Variants in HEBP1 observed in about 807,000 individuals in gnomAD.
HEBP1 encodes the protein heme-binding protein 1.
HEBP1 carries 13 observed loss-of-function variants against 20.4 expected under a neutral mutation model. The ratio of observed to expected loss-of-function variants is 0.64; its 90% CI spans 0.42 to 1.01. The LOEUF (loss-of-function observed/expected upper bound fraction) is 1.01. Ranked by LOEUF, HEBP1 falls within the 50% of genes least tolerant of loss-of-function variation. The pLI is 0.00. For missense variants in HEBP1, 241 were observed against 247.3 expected (o/e 0.97, Z 0.17); for synonymous variants, 92 against 90.7 (o/e 1.01, Z -0.08).
chr12:12,975,057 G>T lies in HEBP1; in HGVS notation c.*251C>A, dbSNP rs906873830. On this transcript the variant is annotated 3_prime_UTR_variant, in exon 4 of 4. Transcript: ENST00000014930. ...GGAGAAAAGCTGCCAGGATTTTTCT[G>T]GTCTATCGCAGAATTTTCTACATCA... 1.5e-5 allele frequency: 5 copies of T among 334,868 alleles called. No homozygotes were observed. Among genetic ancestry groups the T allele is most frequent in the Non-Finnish European group, 2.2e-5 (4 of 184,510 alleles). 20.7% of individuals were successfully genotyped at this position (334,868 alleles called of 1,614,324 possible). A position where few individuals can be genotyped will look rare whatever the true frequency, so the allele number is the denominator to read the frequency against.
intron 1 of HEBP1, among the ~76,000 whole-genome samples, chr12:12,993,524 A>G: frequency 7.4e-6 from 1 of 134,722 alleles, no homozygotes; most frequent in Admixed American, 8.1e-5. Flanking sequence ...TCTCTTTCAG[A>G]TGGGGTCTTG....
rs766660715 is a variant in HEBP1, at chr12:13,000,044, C to G, written c.71G>C (p.Gly24Ala). Residue 24 changes from glycine to alanine, a missense_variant, in exon 1 of 4, where the codon GGG becomes GCG. Physicochemically the swap from Gly to Ala is moderately conservative, Grantham distance 60 (BLOSUM62 0). Coordinates refer to ENST00000014930, the MANE Select transcript of HEBP1 (RefSeq NM_015987.5). Reference sequence around the variant, plus strand: ...GCAGCCCTGCGGGCCTACCTTGTCCCCTTTGCTTAGGACCTGCCAAGGCCA... The same window carrying G: ...GCAGCCCTGCGGGCCTACCTTGTCCGCTTTGCTTAGGACCTGCCAAGGCCA... The part of the protein sequence containing the change: ...ETWPWQVLSK[G>A]DKEEVAYEER... 8.7e-6 allele frequency: 14 copies of G among 1,610,582 alleles called. No individual in the cohort carries two copies. In the African/African-American group the frequency reaches 1.3e-4, roughly 15 times the overall value.
chr12:12,998,267 T>C lies in HEBP1; in HGVS notation c.78+1770A>G, dbSNP rs1291491421. Among the ~76,000 whole-genome samples, 1 of 152,136 alleles carries C rather than the reference T, an allele frequency of 6.6e-6. No homozygotes were observed. The highest frequency in any genetic ancestry group is 1.5e-5 in the Non-Finnish European group (1 of 68,020). The stretch of plus-strand genomic sequence containing the variant: ...TTGCTGGTTTTAATCTTTTATCCCA[T>C]TGCCTAGAAGAGTGCCTGGCACATA... On this transcript the variant is annotated intron_variant, in intron 1 of 3. Coordinates refer to ENST00000014930, the MANE Select transcript of HEBP1 (RefSeq NM_015987.5). This position sits in a 1 kb window ranked among gnomAD's most constrained non-coding sequence, Gnocchi z 4.2.
chr12:12,988,923 A>G (rs1054267228), intron 2 of HEBP1, among the ~76,000 whole-genome samples: 1 of 152,162 alleles, frequency 6.6e-6, no homozygotes, highest in South Asian at 2.1e-4. Context: ...GTTGTGCTGT[A>G]GCTCAGCTTA....
chr12:12,975,371 C>T lies in HEBP1; in HGVS notation c.507G>A (p.Thr169=), dbSNP rs888878698. ...ATYRGDIYFC[T]GYDPPMKPYG... is the part of the protein sequence containing the mutation. ...AGGGCTTCATGGGAGGGTCATAACC[C>T]GTGCAGAAGTAGATGTCCCCCCGGT... The change falls in exon 4 of 4, where the codon ACG becomes ACA. Residue 169 remains threonine, a synonymous_variant. Coordinates refer to ENST00000014930, the MANE Select transcript of HEBP1 (RefSeq NM_015987.5). 10 of 1,613,918 alleles carry T rather than the reference C, an allele frequency of 6.2e-6. No homozygotes were observed. The highest frequency in any genetic ancestry group is 3.3e-4 in the Middle Eastern group (2 of 6,082).
At chr12:12,984,239 C>T (rs1414105993) in intron 3 of HEBP1, 1 of 154,546 alleles carries the variant, frequency 6.5e-6, no homozygotes, top group Non-Finnish European at 1.4e-5. Flanking sequence ...TTTCTCTTTA[C>T]TGAAATATTG....
In HEBP1 at chr12:12,987,322, C is replaced by T; in HGVS notation, c.228G>A (p.Met76Ile). 6 of 1,612,724 alleles carry T rather than the reference C, an allele frequency of 3.7e-6. No homozygotes were observed. The highest frequency in any genetic ancestry group is 5.1e-6 in the Non-Finnish European group (6 of 1,179,128). Residue 76 changes from methionine to isoleucine, a missense_variant, in exon 3 of 4, where the codon ATG (methionine) becomes ATA (isoleucine). Met to Ile is a conservative substitution (Grantham distance 10). Transcript: ENST00000014930. ...AGGTNDKGIGMGMTVPISFAV... is the reference protein window; with the variant it reads ...AGGTNDKGIGIGMTVPISFAV... ...CAAAGGAAATAGGGACTGTCATCCC[C>T]ATCCCAATTCCTGAAAACACAAAAG... is the stretch of plus-strand genomic sequence containing the variant.
In HEBP1 at chr12:12,989,434, C is replaced by T. The variant is rs922715378; in HGVS notation, c.79-19G>A. On this transcript the variant is annotated intron_variant, in intron 1 of 3. Coordinates refer to ENST00000014930, the MANE Select transcript of HEBP1 (RefSeq NM_015987.5). ...CTTCTTCCTAGAGAGAGAGAAGGTA[C>T]AGTGTTTAAGAGGTACAAAGTAGCA... is the stretch of plus-strand genomic sequence containing the variant. 6.2e-7 allele frequency: 1 copy of T among 1,613,692 alleles called. No homozygotes were observed. Among genetic ancestry groups the T allele is most frequent in the African/African-American group, 1.3e-5 (1 of 75,020 alleles).
intron 2 of HEBP1, among the ~76,000 whole-genome samples, chr12:12,987,668 GC>G (rs755438438): frequency 7.3e-6 from 1 of 137,512 alleles, no homozygotes; most frequent in African/African-American, 2.7e-5. Context: ...TTGCTCTGTT[GC>G]CCAGGCTGGA....
intron 1 of HEBP1, among the ~76,000 whole-genome samples, chr12:12,992,816 C>T (rs968810164): frequency 2.8e-4 from 42 of 152,278 alleles, no homozygotes; most frequent in African/African-American, 8.7e-4. Context: ...GTTTTAAATT[C>T]CAGAAACACT....
At chr12:12,993,068 C>T (rs1455386617) in intron 1 of HEBP1, among the ~76,000 whole-genome samples, 2 of 152,058 alleles carry the variant, frequency 1.3e-5, no homozygotes, top group African/African-American at 4.8e-5. Flanking sequence ...ACCTCTGTTT[C>T]TTTTCTTTAT....
chr12:12,981,337 G>A (rs977924871), intron 3 of HEBP1, among the ~76,000 whole-genome samples: 6 of 152,276 alleles, frequency 3.9e-5, no homozygotes, highest in African/African-American at 1.4e-4. Flanking sequence ...GAAATATAAG[G>A]CTGGTGCTTA....
chr12:12,990,919 G>A (rs948207204), intron 1 of HEBP1, among the ~76,000 whole-genome samples: 5 of 152,078 alleles, frequency 3.3e-5, no homozygotes, highest in Non-Finnish European at 7.4e-5. Flanking sequence ...CCATTGCACC[G>A]AGGAACAGAA....
intron 3 of HEBP1, 121 bp downstream of exon 3, chr12:12,987,031 T>A: frequency 1.3e-6 from 1 of 764,754 alleles, no homozygotes; most frequent in South Asian, 1.8e-5. Context: ...GATTCAGCAT[T>A]TCCTACTTAA....
intron 2 of HEBP1, among the ~76,000 whole-genome samples, chr12:12,987,616 C>A (rs868294276): frequency 6.7e-6 from 1 of 148,616 alleles, no homozygotes; most frequent in Non-Finnish European, 1.5e-5. Context: ...CTCTCTTTCT[C>A]TCTCTCTCTC....
At position 12,986,868 on chromosome 12, in the gene HEBP1, A is replaced by G. The variant is rs1461714808; in HGVS notation, c.398+284T>C. ...TTAAGATATTTGCTGAGTCTCCTAGAACCCTGCTATGGCTAATGTAGACAT... is the reference window on the plus strand; with the variant it reads ...TTAAGATATTTGCTGAGTCTCCTAGGACCCTGCTATGGCTAATGTAGACAT... On this transcript the variant is annotated intron_variant, in intron 3 of 3. Coordinates refer to ENST00000014930, the MANE Select transcript of HEBP1 (RefSeq NM_015987.5). This position sits in a 1 kb window ranked among gnomAD's most constrained non-coding sequence, Gnocchi z 4.3. 3.1e-6 allele frequency: 1 copy of G among 321,290 alleles called. No individual in the cohort carries two copies. Among genetic ancestry groups the G allele is most frequent in the Non-Finnish European group, 5.7e-6 (1 of 174,442 alleles). 19.9% of individuals were successfully genotyped at this position (321,290 alleles called of 1,614,324 possible).
At chr12:12,994,768 G>T (rs985103188) in intron 1 of HEBP1, among the ~76,000 whole-genome samples, 2 of 152,110 alleles carry the variant, frequency 1.3e-5, no homozygotes, top group Non-Finnish European at 2.9e-5. Context: ...ACTGTCCATT[G>T]GGTAGTTGGG....
intron 1 of HEBP1, 43 bp downstream of exon 1, chr12:12,999,994 G>T: frequency 1.4e-6 from 2 of 1,402,062 alleles, no homozygotes; most frequent in Admixed American, 1.8e-5. Context: ...GTGGGGGTGG[G>T]AGGCAGCAAT....
intron 3 of HEBP1, among the ~76,000 whole-genome samples, chr12:12,981,780 T>C (rs1441974914): frequency 6.6e-6 from 1 of 152,146 alleles, no homozygotes; most frequent in Admixed American, 6.5e-5. Context: ...AGTGGGTAAA[T>C]CACATTGTCT....
Sources: gnomAD v4.1 joint callset for allele counts (sites outside exome capture counted in the v4.1 genomes callset) on GRCh38, gnomAD v4.1.1 for gene constraint, Gnocchi (gnomAD v3.1) non-coding constraint, MANE v1.5 for transcripts, NCBI Gene and HGNC (gene_info 2026-07-23, HGNC 2026-07-21) for gene names.